SHISA9: variants seen among roughly 807,000 people sequenced by gnomAD.
SHISA9 encodes the protein shisa family member 9, also known as protein shisa-9.
A neutral mutation model predicts 38.0 loss-of-function variants in SHISA9; 13 were observed. The ratio of observed to expected loss-of-function variants is 0.34; its 90% CI spans 0.22 to 0.54. SHISA9 has a LOEUF of 0.54. Among genes scored for constraint, SHISA9 ranks in the 20% least tolerant of loss-of-function variants. The pLI is 0.91. For missense variants in SHISA9, 538 were observed against 575.8 expected, an observed-to-expected ratio of 0.93 and a Z score of 0.67; for synonymous variants, 275 against 242.0, an observed-to-expected ratio of 1.14 and a Z score of -1.27.
chr16:13,480,841 G>A, the SHISA9 span, among the ~76,000 whole-genome samples: 1 of 152,174 alleles, frequency 6.6e-6, no homozygotes, highest in Non-Finnish European at 1.5e-5. Context: ...CTCCTTGGCA[G>A]AAGAAACTCA....
chr16:12,998,593 G>A (rs772891107), intron 2 of SHISA9, among the ~76,000 whole-genome samples: 9 of 152,068 alleles, frequency 5.9e-5, no homozygotes, highest in African/African-American at 9.7e-5. Context: ...GCAGTGGTGC[G>A]ATCGTGGCTC....
At chr16:13,243,322 C>T (rs2051448793), downstream of SHISA9, among the ~76,000 whole-genome samples, 1 of 151,926 alleles carries the variant, frequency 6.6e-6, no homozygotes, top group Non-Finnish European at 1.5e-5. Context: ...GTCCTGATGA[C>T]ATGTGCCCAG....
At chr16:13,291,207 G>A in the SHISA9 span, among the ~76,000 whole-genome samples, 29 of 152,066 alleles carry the variant, frequency 1.9e-4, no homozygotes, top group African/African-American at 6.3e-4. Flanking sequence ...GGCAGACACC[G>A]CAAGACCCTT....
chr16:13,245,442 C>A, the SHISA9 span, among the ~76,000 whole-genome samples: 2 of 152,032 alleles, frequency 1.3e-5, no homozygotes, highest in Non-Finnish European at 2.9e-5. Flanking sequence ...ATAGGGATAA[C>A]AATAGTATCT....
the SHISA9 span, among the ~76,000 whole-genome samples, chr16:13,478,744 G>A: frequency 3.4e-4 from 52 of 152,162 alleles, no homozygotes; most frequent in African/African-American, 1.1e-3. Flanking sequence ...TTTCTACATC[G>A]GTACAGGCTA....
At chr16:12,935,805 T>C (rs2071523588) in intron 2 of SHISA9, among the ~76,000 whole-genome samples, 1 of 148,036 alleles carries the variant, frequency 6.8e-6, no homozygotes, top group Non-Finnish European at 1.5e-5. Context: ...GCAGAGATTG[T>C]GCCACTGTAC....
the SHISA9 span, among the ~76,000 whole-genome samples, chr16:13,315,628 T>C: frequency 6.6e-6 from 1 of 152,230 alleles, no homozygotes; most frequent in Non-Finnish European, 1.5e-5. Context: ...TTTTCTCATC[T>C]GTAAAATGGG....
At chr16:12,926,289 TC>T (rs982027486) in intron 2 of SHISA9, among the ~76,000 whole-genome samples, 1 of 152,200 alleles carries the variant, frequency 6.6e-6, no homozygotes, top group Non-Finnish European at 1.5e-5. Flanking sequence ...CTATTTGTTT[TC>T]CTTACTGATT....
At chr16:13,015,156 G>A (rs141124997) in intron 2 of SHISA9, among the ~76,000 whole-genome samples, 1 of 152,272 alleles carries the variant, frequency 6.6e-6, no homozygotes. Flanking sequence ...CTGGCCTGCC[G>A]CCTGTTTTAT....
At chr16:13,132,007 T>A (rs1351423716) in intron 2 of SHISA9, among the ~76,000 whole-genome samples, 1 of 152,224 alleles carries the variant, frequency 6.6e-6, no homozygotes, top group East Asian at 1.9e-4. Context: ...CAAAAACCTA[T>A]ACAAGTGCAA....
At chr16:13,209,651 G>A (rs2051099314) in intron 3 of SHISA9, among the ~76,000 whole-genome samples, 1 of 152,218 alleles carries the variant, frequency 6.6e-6, no homozygotes, top group African/African-American at 2.4e-5. Context: ...TGTTGAGGTT[G>A]AGAAGTGGGT....
chr16:13,549,449 CAATT>C, the SHISA9 span, among the ~76,000 whole-genome samples: 1 of 151,808 alleles, frequency 6.6e-6, no homozygotes, highest in African/African-American at 2.4e-5. Flanking sequence ...TATTATGTGT[CAATT>C]AAAAACAAAC....
chr16:13,496,634 T>C, the SHISA9 span, among the ~76,000 whole-genome samples: 1 of 152,026 alleles, frequency 6.6e-6, no homozygotes, highest in Admixed American at 6.6e-5. Flanking sequence ...AGAAACAAAA[T>C]GAGCTGGAAA....
the SHISA9 span, among the ~76,000 whole-genome samples, chr16:13,519,095 A>G: frequency 6.6e-6 from 1 of 152,186 alleles, no homozygotes. Flanking sequence ...ATTATTTATC[A>G]CAAAAAAGAG....
intron 2 of SHISA9, among the ~76,000 whole-genome samples, chr16:13,133,273 C>T (rs1272287085): frequency 1.3e-5 from 2 of 152,162 alleles, no homozygotes; most frequent in Non-Finnish European, 2.9e-5. Flanking sequence ...GTTGAAATTC[C>T]TAGCCTCTCT....
the SHISA9 span, among the ~76,000 whole-genome samples, chr16:13,470,335 A>T: frequency 1.3e-5 from 2 of 152,194 alleles, no homozygotes. Context: ...TATAGAATTT[A>T]ATGTATGAGG....
At chr16:13,354,190 G>T in the SHISA9 span, among the ~76,000 whole-genome samples, 1 of 146,076 alleles carries the variant, frequency 6.8e-6, no homozygotes, top group South Asian at 2.4e-4. Flanking sequence ...GGAACACTGA[G>T]AAGTTATTTC....
chr16:13,074,615 ATTG>A (rs1179279691), intron 2 of SHISA9, among the ~76,000 whole-genome samples: 1 of 149,514 alleles, frequency 6.7e-6, no homozygotes, highest in East Asian at 2.0e-4. Flanking sequence ...TGCTATTTTT[ATTG>A]TTATCATCAT....
At chr16:13,371,116 C>G in the SHISA9 span, among the ~76,000 whole-genome samples, 1 of 152,248 alleles carries the variant, frequency 6.6e-6, no homozygotes, top group South Asian at 2.1e-4. Flanking sequence ...TAATTAATCC[C>G]CAAAATACAG....
Sources: gnomAD v4.1 joint callset for allele counts (sites outside exome capture counted in the v4.1 genomes callset) on GRCh38, gnomAD v4.1.1 for gene constraint, MANE v1.5 for transcripts, NCBI Gene and HGNC (gene_info 2026-07-23, HGNC 2026-07-21) for gene names.